Variants in PDLIM5 observed in about 807,000 individuals in gnomAD.
PDLIM5 encodes the protein PDZ and LIM domain 5.
A neutral mutation model predicts 64.2 loss-of-function variants in PDLIM5; 34 were observed. The ratio of observed to expected loss-of-function variants is 0.53; its 90% CI spans 0.40 to 0.71. PDLIM5 has a LOEUF of 0.71. Among genes scored for constraint, PDLIM5 ranks in the 30% least tolerant of loss-of-function variants. The probability of loss-of-function intolerance (pLI) is 0.00; values close to 1 mark genes in which losing one functional copy is unlikely to be tolerated. For missense variants in PDLIM5, 683 were observed against 733.6 expected (o/e 0.93, Z 0.80); for synonymous variants, 253 against 269.1 (o/e 0.94, Z 0.59).
chr4:94,554,364 AAAG>A (rs1395443091), intron 3 of PDLIM5, among the ~76,000 whole-genome samples: 4 of 152,218 alleles, frequency 2.6e-5, no homozygotes, highest in Admixed American at 6.5e-5. Flanking sequence ...ATACAGAAAA[AAAG>A]AAACTCATCT....
chr4:94,636,018 C>T (rs1465880396), intron 8 of PDLIM5, among the ~76,000 whole-genome samples: 1 of 152,134 alleles, frequency 6.6e-6, no homozygotes, highest in South Asian at 2.1e-4. Flanking sequence ...GGCTTTTCTT[C>T]CCAAGAAAGG....
chr4:94,528,442 T>G (rs1730567879), intron 3 of PDLIM5, among the ~76,000 whole-genome samples: 1 of 152,240 alleles, frequency 6.6e-6, no homozygotes, highest in Non-Finnish European at 1.5e-5. Context: ...CTATGTTATT[T>G]ACTAATTATT....
At position 94,575,980 on chromosome 4, in the gene PDLIM5, A is replaced by G. The variant is rs756516539; in HGVS notation, c.656A>G (p.Glu219Gly). 1.2e-6 allele frequency: 2 copies of G among 1,614,096 alleles called. No individual in the cohort carries two copies. Among genetic ancestry groups the G allele is most frequent in the East Asian group, 4.5e-5 (2 of 44,870 alleles). ...VTSVCSETSQ[E>G]LAEGQRRGSQ... ...AGCGTGTGTTCCGAGACTTCTCAGG[A>G]GCTAGCAGAGGGACAGAGAAGAGGA... is the stretch of plus-strand genomic sequence containing the variant. The change falls in exon 5 of 13, where the codon GAG becomes GGG. Residue 219 changes from glutamate (E) to glycine (G), a missense_variant. Coordinates refer to ENST00000317968, the MANE Select transcript of PDLIM5 (RefSeq NM_006457.5).
chr4:94,523,698 C>T, intron 2 of PDLIM5, 26 bp from the exon 3 acceptor site: 2 of 1,587,368 alleles, frequency 1.3e-6, no homozygotes, highest in South Asian at 1.1e-5. Context: ...AAGAGTGACA[C>T]TCCTAATGAA....
rs932567922 is a variant in PDLIM5 at position 94,614,026 on chromosome 4, G to A, written c.921-3978G>A. On this transcript the variant is annotated intron_variant, in intron 7 of 12. Coordinates refer to ENST00000317968, the MANE Select transcript of PDLIM5 (RefSeq NM_006457.5). Reference sequence around the variant, plus strand: ...TCACCAGGCTGGAGTGCAGTGGTGCGATCTCAGTTCACTGCAACCTCCGCC... The same window carrying A: ...TCACCAGGCTGGAGTGCAGTGGTGCAATCTCAGTTCACTGCAACCTCCGCC... Among the ~76,000 whole-genome samples the A allele has an allele frequency of 6.2e-5, 9 of 146,110 alleles. No individual in the cohort carries two copies. The South Asian group carries it at 1.1e-3, about 18-fold the overall frequency.
intron 5 of PDLIM5, chr4:94,582,829 C>A: frequency 2.6e-6 from 2 of 783,532 alleles, no homozygotes; most frequent in Non-Finnish European, 4.2e-6. Context: ...AGGATTTTCT[C>A]ATTATAAGAA....
intron 8 of PDLIM5, among the ~76,000 whole-genome samples, chr4:94,634,941 A>G (rs1014392906): frequency 2.9e-4 from 44 of 152,226 alleles, no homozygotes; most frequent in African/African-American, 1.1e-3. Flanking sequence ...TATACATTGT[A>G]TGCTGAGAAA....
chr4:94,625,413 C>T (rs180845307), intron 8 of PDLIM5, among the ~76,000 whole-genome samples: 63 of 151,040 alleles, frequency 4.2e-4, no homozygotes, highest in South Asian at 3.8e-3. Context: ...GATATTATGG[C>T]GATATACTCA....
chr4:94,521,151 A>G (rs1486348170), intron 2 of PDLIM5, among the ~76,000 whole-genome samples: 1 of 152,176 alleles, frequency 6.6e-6, no homozygotes, highest in Non-Finnish European at 1.5e-5. Context: ...TTTTCTCTAC[A>G]TTGTAGGAAG....
At position 94,666,652 on chromosome 4, in the gene PDLIM5, TTTC is replaced by T. The variant is rs1388014144; in HGVS notation, c.*2589_*2591del. 2 of 152,520 alleles carry T rather than the reference TTTC, an allele frequency of 1.3e-5. No individual in the cohort carries two copies. Among genetic ancestry groups the T allele is most frequent in the Non-Finnish European group, 2.9e-5 (2 of 68,054 alleles). 9.4% of individuals were successfully genotyped at this position (152,520 alleles called of 1,614,324 possible). On this transcript the variant is annotated 3_prime_UTR_variant, in exon 13 of 13. Coordinates refer to ENST00000317968, the MANE Select transcript of PDLIM5 (RefSeq NM_006457.5). ...TGATAAGTCAATGACATTTGGATGT[TTTC>T]TTCAAAGAATTTTATTTGACCCAGA... is the stretch of plus-strand genomic sequence containing the variant.
At chr4:94,483,634 AT>A (rs1226320503) in intron 2 of PDLIM5, among the ~76,000 whole-genome samples, 3 of 152,076 alleles carry the variant, frequency 2.0e-5, no homozygotes, top group African/African-American at 7.2e-5. Context: ...AGATAAAATA[AT>A]TTTCTGAGGG....
At chr4:94,570,072 C>A (rs1377112045) in intron 3 of PDLIM5, among the ~76,000 whole-genome samples, 2 of 151,890 alleles carry the variant, frequency 1.3e-5, no homozygotes, top group Non-Finnish European at 2.9e-5. Flanking sequence ...ACCCTACTTA[C>A]AGAATTATTA....
At chr4:94,541,417 A>G (rs373495072) in intron 3 of PDLIM5, among the ~76,000 whole-genome samples, 1 of 152,230 alleles carries the variant, frequency 6.6e-6, no homozygotes, top group African/African-American at 2.4e-5. Flanking sequence ...AAAATTTTCT[A>G]AAAGTGCTTC....
intron 6 of PDLIM5, among the ~76,000 whole-genome samples, chr4:94,585,941 G>A (rs1486712348): frequency 6.6e-6 from 1 of 152,158 alleles, no homozygotes; most frequent in Non-Finnish European, 1.5e-5. Flanking sequence ...GGAGGCCGAG[G>A]CAGGCAGATC....
chr4:94,526,690 A>G (rs374465054), intron 3 of PDLIM5, among the ~76,000 whole-genome samples: 2 of 151,796 alleles, frequency 1.3e-5, no homozygotes, highest in East Asian at 3.9e-4. Context: ...TTTCTCTCTT[A>G]TATCAAAGTA....
intron 2 of PDLIM5, among the ~76,000 whole-genome samples, chr4:94,484,641 A>G (rs923106799): frequency 4.6e-5 from 7 of 152,192 alleles, no homozygotes; most frequent in Non-Finnish European, 8.8e-5. Context: ...GTTTGTCCAT[A>G]GGTACACAGC....
At chr4:94,479,330 C>T (rs1339705877) in intron 2 of PDLIM5, among the ~76,000 whole-genome samples, 6 of 130,980 alleles carry the variant, frequency 4.6e-5, no homozygotes, top group African/African-American at 5.9e-5. Context: ...AGCTTTGAGA[C>T]TTTTTTTTTT....
At chr4:94,585,540 A>ATTTTTTTTT in intron 5 of PDLIM5, 25 bp from the exon 6 acceptor site, 1 of 1,362,444 alleles carries the variant, frequency 7.3e-7, no homozygotes, top group Non-Finnish European at 9.8e-7. Flanking sequence ...ACAATTTTTA[A>ATTTTTTTTT]TTTTTTTTTT....
chr4:94,553,303 T>G (rs144890836), intron 3 of PDLIM5, among the ~76,000 whole-genome samples: 204 of 152,164 alleles, frequency 1.3e-3, no homozygotes, highest in Non-Finnish European at 2.3e-3. Flanking sequence ...GAGACAGGGT[T>G]TAGCCATCCT....
Sources: gnomAD v4.1 joint callset for allele counts (sites outside exome capture counted in the v4.1 genomes callset) on GRCh38, gnomAD v4.1.1 for gene constraint, MANE v1.5 for transcripts, NCBI Gene and HGNC (gene_info 2026-07-23, HGNC 2026-07-21) for gene names.